MTA3: variants seen among roughly 807,000 people sequenced by gnomAD.
MTA3 encodes metastasis-associated protein MTA3.
A neutral mutation model predicts 83.5 loss-of-function variants in MTA3; 34 were observed. That is an observed-to-expected ratio of 0.41 (90% CI 0.31 to 0.54). The LOEUF (loss-of-function observed/expected upper bound fraction) is 0.54, where lower values mean the gene tolerates loss of function less well. Among genes scored for constraint, MTA3 ranks in the 20% least tolerant of loss-of-function variants. The pLI is 0.33. For missense variants in MTA3, 761 were observed against 726.4 expected (o/e 1.05, Z -0.55); for synonymous variants, 303 against 252.7 (o/e 1.20, Z -1.89).
At chr2:42,571,410 A>C (rs927209007) in intron 2 of MTA3, among the ~76,000 whole-genome samples, 1 of 136,654 alleles carries the variant, frequency 7.3e-6, no homozygotes, top group African/African-American at 2.8e-5. Context: ...AAAAAAAAAA[A>C]GTTGAGATTT....
chr2:42,732,769 A>G (rs958368352), intron 16 of MTA3, among the ~76,000 whole-genome samples: 6 of 152,082 alleles, frequency 3.9e-5, no homozygotes, highest in East Asian at 3.8e-4. Flanking sequence ...CTGCTTAGAA[A>G]TTTTTTCTGC....
chr2:42,629,728 C>T (rs965740413), intron 4 of MTA3, among the ~76,000 whole-genome samples: 1 of 152,002 alleles, frequency 6.6e-6, no homozygotes, highest in East Asian at 1.9e-4. Context: ...CTTCTGATCT[C>T]GTTCCTCTGT....
intron 3 of MTA3, among the ~76,000 whole-genome samples, chr2:42,607,583 A>G (rs549644658): frequency 6.6e-6 from 1 of 152,072 alleles, no homozygotes; most frequent in Non-Finnish European, 1.5e-5. Flanking sequence ...GGCTCAAGCG[A>G]TCTGCTTGCC....
At chr2:42,740,853 A>G (rs1668976049) in intron 16 of MTA3, among the ~76,000 whole-genome samples, 1 of 152,268 alleles carries the variant, frequency 6.6e-6, no homozygotes, top group Admixed American at 6.5e-5. Context: ...TAGTAAATGA[A>G]CACTGGCTTC....
At chr2:42,665,942 C>T (rs1346350706) in intron 8 of MTA3, among the ~76,000 whole-genome samples, 3 of 152,094 alleles carry the variant, frequency 2.0e-5, no homozygotes, top group African/African-American at 4.8e-5. Flanking sequence ...AAATTGTGTC[C>T]TGGAACACCT....
intron 7 of MTA3, among the ~76,000 whole-genome samples, chr2:42,659,354 T>C (rs937136557): frequency 2.6e-5 from 4 of 152,144 alleles, no homozygotes; most frequent in African/African-American, 9.7e-5. Context: ...GGGGGAAAAA[T>C]GTAACTGAGT....
intron 4 of MTA3, among the ~76,000 whole-genome samples, chr2:42,638,417 C>T (rs929283569): frequency 7.9e-5 from 12 of 151,520 alleles, no homozygotes; most frequent in African/African-American, 2.9e-4. Flanking sequence ...GAGACAGGGT[C>T]TTGCTCTTTT....
chr2:42,693,779 C>A (rs573543199), intron 9 of MTA3, among the ~76,000 whole-genome samples: 51 of 152,236 alleles, frequency 3.4e-4, no homozygotes, highest in African/African-American at 1.2e-3. Context: ...TGCAAAACAA[C>A]AACATCCCTT....
intron 4 of MTA3, among the ~76,000 whole-genome samples, chr2:42,627,169 C>T (rs573959282): frequency 1.3e-5 from 2 of 152,126 alleles, no homozygotes; most frequent in Middle Eastern, 3.4e-3. Context: ...CCTTGAACTC[C>T]TGGGCTCAAG....
intron 7 of MTA3, among the ~76,000 whole-genome samples, chr2:42,656,762 C>G (rs1346789758): frequency 3.3e-5 from 5 of 152,160 alleles, no homozygotes; most frequent in African/African-American, 4.8e-5. Flanking sequence ...TGGCTTCCTT[C>G]CTTCCTCCCC....
intron 16 of MTA3, among the ~76,000 whole-genome samples, chr2:42,728,085 T>C (rs951447614): frequency 6.6e-6 from 1 of 152,218 alleles, no homozygotes; most frequent in African/African-American, 2.4e-5. Context: ...CCATTAATCA[T>C]ACCTCCTACC....
chr2:42,739,035 C>T (rs1007580612), intron 16 of MTA3, among the ~76,000 whole-genome samples: 4 of 152,162 alleles, frequency 2.6e-5, no homozygotes, highest in African/African-American at 9.7e-5. Context: ...GCCCTGCCTC[C>T]ACTTGCCTTG....
chr2:42,587,425 C>CATT (rs1286022190), intron 3 of MTA3, among the ~76,000 whole-genome samples: 1 of 152,126 alleles, frequency 6.6e-6, no homozygotes, highest in Non-Finnish European at 1.5e-5. Flanking sequence ...CCCGACAAGT[C>CATT]ATTATTATTA....
At chr2:42,588,198 T>G (rs757858776) in intron 3 of MTA3, among the ~76,000 whole-genome samples, 8 of 152,186 alleles carry the variant, frequency 5.3e-5, no homozygotes, top group Non-Finnish European at 1.0e-4. Context: ...TGAGACAGGT[T>G]TAGCTTTCAT....
intron 16 of MTA3, among the ~76,000 whole-genome samples, chr2:42,724,277 AACACACACACACACACAC>A (rs34379999): frequency 1.4e-4 from 10 of 73,182 alleles, no homozygotes; most frequent in South Asian, 1.5e-3. Context: ...AGTCCTGAAA[AACACACACACACACACAC>A]ACACACACAC....
At chr2:42,716,612 A>G (rs764283124) in intron 14 of MTA3, among the ~76,000 whole-genome samples, 1 of 152,136 alleles carries the variant, frequency 6.6e-6, no homozygotes, top group Non-Finnish European at 1.5e-5. Flanking sequence ...TTAGTTTGCT[A>G]AGGATAGTGG....
chr2:42,615,326 G>T (rs550667199), intron 4 of MTA3, among the ~76,000 whole-genome samples: 1 of 149,470 alleles, frequency 6.7e-6, no homozygotes, highest in African/African-American at 2.5e-5. Flanking sequence ...TTTGAACCTT[G>T]TATAGTGTTT....
At chr2:42,630,858 T>A (rs1266159834) in intron 4 of MTA3, among the ~76,000 whole-genome samples, 2 of 152,212 alleles carry the variant, frequency 1.3e-5, no homozygotes, top group African/African-American at 4.8e-5. Flanking sequence ...CTGAAAGGAT[T>A]TGTAAATTTA....
intron 3 of MTA3, among the ~76,000 whole-genome samples, chr2:42,587,157 C>T (rs1045518604): frequency 2.0e-5 from 3 of 152,036 alleles, no homozygotes; most frequent in Non-Finnish European, 4.4e-5. Flanking sequence ...CGTGTCACTG[C>T]ACTCCAGCCT....
Sources: allele counts gnomAD v4.1 joint callset (sites outside exome capture counted in the v4.1 genomes callset), GRCh38; gene constraint gnomAD v4.1.1; transcripts MANE v1.5; gene names NCBI Gene and HGNC (gene_info 2026-07-23, HGNC 2026-07-21).